Variants in E2F1 observed in about 807,000 individuals in gnomAD.
The protein encoded by E2F1 is E2F transcription factor 1, also known as transcription factor E2F1.
A neutral mutation model predicts 36.9 loss-of-function variants in E2F1; 7 were observed. That is an observed-to-expected ratio of 0.19 (90% CI 0.11 to 0.36). The LOEUF (loss-of-function observed/expected upper bound fraction) is 0.36. Ranked by LOEUF, E2F1 falls within the 10% of genes least tolerant of loss-of-function variation. E2F1 has a pLI of 1.00. For synonymous variants in E2F1, 261 were observed against 263.1 expected (o/e 0.99, Z 0.08); for missense variants, 406 against 573.6 (o/e 0.71, Z 2.99).
Position 33,680,322 on chromosome 20 carries a change from G to C in E2F1, c.352+4C>G. ...GGTCTGCCCAGCCCAAGCTCCATAG[G>C]TACCTTTTCCTGGATGGCGGCCTCT... On this transcript the variant is annotated splice_donor_region_variant and intron_variant, in intron 2 of 6. Transcript: ENST00000343380. 1 of 1,614,076 alleles carries C rather than the reference G, an allele frequency of 6.2e-7. No homozygotes were observed. The highest frequency in any genetic ancestry group is 8.5e-7 in the Non-Finnish European group (1 of 1,179,940).
chr20:33,677,237 GGGTCTTCCCAGGGCTGATCCCACCTAC>G lies in E2F1; in HGVS notation c.907_933del (p.Val303_Thr311del), dbSNP rs759073647. The stretch of plus-strand genomic sequence containing the variant: ...TCCTCAGAAGTGACCTCCTGGGATG[GGGTCTTCCCAGGGCTGATCCCACCTAC>G]GGTCTCCTCAGGGCACAGGAAAACA... On this transcript the variant is annotated inframe_deletion, in exon 6 of 7. Transcript: ENST00000343380. 1 of 1,614,102 alleles carries G rather than the reference GGGTCTTCCCAGGGCTGATCCCACCTAC, an allele frequency of 6.2e-7. No homozygotes were observed.
rs117423075 is a variant in E2F1, at chr20:33,676,585, C to T, written c.*147G>A. 4,293 of 1,252,138 alleles carry T rather than the reference C, an allele frequency of 3.4e-3. 9 individuals carry two copies. The highest frequency in any genetic ancestry group is 4.3e-3 in the Non-Finnish European group (4,034 of 934,288). The allele number at this position is 1,252,138 out of a possible 1,614,324, so 77.6% of individuals were successfully genotyped here. ...CTCAGCCTCCTAGCGGTAGCCAGAC[C>T]CCAGAGCTAGAAGCTTCTGGAGACA... On this transcript the variant is annotated 3_prime_UTR_variant, in exon 7 of 7. Transcript: ENST00000343380.
At chr20:33,680,075 G>T in intron 2 of E2F1, 101 bp from the exon 3 acceptor site, 1 of 1,094,568 alleles carries the variant, frequency 9.1e-7, no homozygotes, top group Non-Finnish European at 1.4e-6. Flanking sequence ...GATGATGGGG[G>T]CTGGGGGACA....
chr20:33,685,873 C>T (rs1402780952), intron 1 of E2F1, 131 bp downstream of exon 1: 1 of 903,302 alleles, frequency 1.1e-6, no homozygotes, highest in African/African-American at 1.8e-5. Flanking sequence ...CGGCTCTGCA[C>T]CGCCCAGCCT....
intron 4 of E2F1, 59 bp downstream of exon 4, chr20:33,678,142 G>T: frequency 6.4e-7 from 1 of 1,554,414 alleles, no homozygotes; most frequent in South Asian, 1.2e-5. Flanking sequence ...AGTCCCACTT[G>T]GGTGGAGCCC....
chr20:33,676,905 C>T lies in E2F1; in HGVS notation c.1141G>A (p.Asp381Asn), dbSNP rs1453160857. ...EDRLSPLVAA[D>N]SLLEHVREDF... ...TCCCGCACATGCTCCAGGAGCGAGT[C>T]GGCCGCCACCAGCGGGGACAGGCGG... The change falls in exon 7 of 7, where the codon GAC becomes AAC. Residue 381 changes from aspartate to asparagine, a missense_variant. By Grantham distance (23) the Asp-to-Asn change is conservative (BLOSUM62 1). Coordinates refer to ENST00000343380, the MANE Select transcript of E2F1 (RefSeq NM_005225.3). 9 of 1,568,752 alleles carry T rather than the reference C, an allele frequency of 5.7e-6. No homozygotes were observed. Among genetic ancestry groups the T allele is most frequent in the African/African-American group, 1.4e-5 (1 of 73,798 alleles).
Position 33,686,339 on chromosome 20 carries a change from G to T in E2F1, c.-75C>A. 1 of 986,138 alleles carries T rather than the reference G, an allele frequency of 1.0e-6. No individual in the cohort carries two copies. Among genetic ancestry groups the T allele is most frequent in the Non-Finnish European group, 1.2e-6 (1 of 829,256 alleles). 61.1% of individuals were successfully genotyped at this position (986,138 alleles called of 1,614,324 possible). On this transcript the variant is annotated 5_prime_UTR_variant, in exon 1 of 7. Transcript: ENST00000343380. ...GGCCCATGGCGGCAGGCCTCGGCGAGGGCTCGATCCCGCTCCGCCCCCGGC... is the reference window on the plus strand; with the variant it reads ...GGCCCATGGCGGCAGGCCTCGGCGATGGCTCGATCCCGCTCCGCCCCCGGC...
In E2F1 at chr20:33,678,347, G is replaced by C. The variant is rs1315185562; in HGVS notation, c.579C>G (p.Ser193Arg). The C allele has an allele frequency of 5.0e-6, 8 of 1,611,930 alleles. No individual in the cohort carries two copies. The highest frequency in any genetic ancestry group is 3.3e-5 in the South Asian group (3 of 90,996). The part of the protein sequence containing the change: ...KSKNHIQWLG[S>R]HTTVGVGGRL... ...GTCCGCCGACGCCCACTGTGGTGTG[G>C]CTGCCCCTGTGGGGAGGCACCAGGG... Residue 193 changes from serine (S) to arginine (R), a missense_variant, in exon 4 of 7, where the codon AGC becomes AGG. This residue lies in a region of E2F1 where 93 missense variants were observed against 143.3 expected (regional missense o/e 0.65). Coordinates refer to ENST00000343380, the MANE Select transcript of E2F1 (RefSeq NM_005225.3).
chr20:33,679,716 G>A lies in E2F1; in HGVS notation c.572+39C>T, dbSNP rs2018001270. ...ACTACCAGCTCCTCCAGGCTGGCAT[G>A]GGCAGGTGTGCCTGCCCTCCTGTGT... is the stretch of plus-strand genomic sequence containing the variant. On this transcript the variant is annotated intron_variant, in intron 3 of 6. Coordinates refer to ENST00000343380, the MANE Select transcript of E2F1 (RefSeq NM_005225.3). The surrounding 1 kb of genome is among the most constrained non-coding windows in gnomAD (Gnocchi z 4.6). 1 of 1,591,340 alleles carries A rather than the reference G, an allele frequency of 6.3e-7. No individual in the cohort carries two copies. The highest frequency in any genetic ancestry group is 2.2e-5 in the East Asian group (1 of 44,754).
chr20:33,683,120 G>C (rs1227194839), intron 1 of E2F1, among the ~76,000 whole-genome samples: 1 of 152,022 alleles, frequency 6.6e-6, no homozygotes, highest in Admixed American at 6.6e-5. Context: ...AAATGAATAG[G>C]GCTGGGATCC....
Position 33,677,544 on chromosome 20 carries a change from G to A in E2F1, c.726-4C>T. 6.2e-7 allele frequency: 1 copy of A among 1,612,986 alleles called. No individual in the cohort carries two copies. Among genetic ancestry groups the A allele is most frequent in the Non-Finnish European group, 8.5e-7 (1 of 1,179,202 alleles). The stretch of plus-strand genomic sequence containing the variant: ...CTGACACGTCACGTAGGCCAGGGTT[G>A]GCAGAGTCAAGGACCACATGACCTT... On this transcript the variant is annotated splice_region_variant and splice_polypyrimidine_tract_variant and intron_variant, in intron 4 of 6. Transcript: ENST00000343380.
rs779566653 is a variant in E2F1, at chr20:33,676,884, G to A, written c.1162C>T (p.Arg388Trp). ...GGGAGGAGGCCGGAGAAGTCCTCCCGCACATGCTCCAGGAGCGAGTCGGCC... is the reference window on the plus strand; with the variant it reads ...GGGAGGAGGCCGGAGAAGTCCTCCCACACATGCTCCAGGAGCGAGTCGGCC... ...VAADSLLEHV[R>W]EDFSGLLPEE... Residue 388 changes from arginine to tryptophan, a missense_variant, in exon 7 of 7, where the codon CGG becomes TGG. This residue lies in a region of E2F1 where 163 missense variants were observed against 181.5 expected (regional missense o/e 0.90). Transcript: ENST00000343380. 9 of 1,576,672 alleles carry A rather than the reference G, an allele frequency of 5.7e-6. No homozygotes were observed. Among genetic ancestry groups the A allele is most frequent in the Admixed American group, 3.6e-5 (2 of 55,362 alleles).
In E2F1 at chr20:33,676,750, G is replaced by A. The variant is rs752347181; in HGVS notation, c.1296C>T (p.Leu432=). The change falls in exon 7 of 7, where the codon CTC becomes CTT. Residue 432 remains leucine (L), a synonymous_variant. Coordinates refer to ENST00000343380, the MANE Select transcript of E2F1 (RefSeq NM_005225.3). ...RDLFDCDFGD[L]TPLDF ...AGCCCTGTCAGAAATCCAGGGGGGT[G>A]AGGTCCCCAAAGTCACAGTCGAAGA... The A allele has an allele frequency of 1.9e-6, 3 of 1,609,358 alleles. No individual in the cohort carries two copies. The highest frequency in any genetic ancestry group is 2.5e-6 in the Non-Finnish European group (3 of 1,177,916).
At chr20:33,684,830 C>A (rs2018051041) in intron 1 of E2F1, among the ~76,000 whole-genome samples, 1 of 152,232 alleles carries the variant, frequency 6.6e-6, no homozygotes, top group East Asian at 1.9e-4. Flanking sequence ...AGTTAGGCAG[C>A]TTCTACCTCC....
In E2F1 at chr20:33,676,762, G is replaced by T; in HGVS notation, c.1284C>A (p.Asp428Glu). The T allele has an allele frequency of 6.2e-7, 1 of 1,609,400 alleles. No individual in the cohort carries two copies. Among genetic ancestry groups the T allele is most frequent in the Non-Finnish European group, 8.5e-7 (1 of 1,177,948 alleles). The change falls in exon 7 of 7, where the codon GAC (aspartate) becomes GAA (glutamate). Residue 428 changes from aspartate to glutamate, a missense_variant. Asp to Glu is a conservative substitution (Grantham distance 45, BLOSUM62 2). Transcript: ENST00000343380. ...AATCCAGGGGGGTGAGGTCCCCAAA[G>T]TCACAGTCGAAGAGGTCTCTGATGC... ...GEGIRDLFDC[D>E]FGDLTPLDF
At chr20:33,678,768 A>C (rs1347043179) in intron 3 of E2F1, among the ~76,000 whole-genome samples, 1 of 152,100 alleles carries the variant, frequency 6.6e-6, no homozygotes, top group Non-Finnish European at 1.5e-5. Flanking sequence ...CAGCCTGGGC[A>C]ACACAGTGAG....
Position 33,686,140 on chromosome 20 carries a change from G to T in E2F1, c.125C>A (p.Ala42Asp). The T allele has an allele frequency of 9.4e-7, 1 of 1,059,434 alleles. No individual in the cohort carries two copies. The highest frequency in any genetic ancestry group is 1.1e-6 in the Non-Finnish European group (1 of 879,676). The allele number at this position is 1,059,434 out of a possible 1,614,324, so 65.6% of individuals were successfully genotyped here. A position where few individuals can be genotyped will look rare whatever the true frequency, so the allele number is the denominator to read the frequency against. ...GCCGGTGGGAGCCGGCGGGGCGCTG[G>T]CGTCCTGCGCGGCGGAGATGATGAC... ...QIVIISAAQD[A>D]SAPPAPTGPA... The change falls in exon 1 of 7, where the codon GCC becomes GAC. Residue 42 changes from alanine (A) to aspartate (D), a missense_variant. Around this residue, in one of 5 missense-constraint regions of E2F1, gnomAD observed 68 missense variants for 74.3 expected, o/e 0.92. Coordinates refer to ENST00000343380, the MANE Select transcript of E2F1 (RefSeq NM_005225.3).
At chr20:33,684,359 C>A (rs893808396) in intron 1 of E2F1, among the ~76,000 whole-genome samples, 1 of 152,202 alleles carries the variant, frequency 6.6e-6, no homozygotes, top group Non-Finnish European at 1.5e-5. Flanking sequence ...GAACAGGCCC[C>A]TGGAGTACAG....
chr20:33,678,400 T>G (rs1319666202), intron 3 of E2F1, 47 bp from the exon 4 acceptor site: 1 of 1,603,532 alleles, frequency 6.2e-7, no homozygotes, highest in South Asian at 1.1e-5. Flanking sequence ...GATTGGCCCC[T>G]CTGGCCAGGA....
Sources: allele counts gnomAD v4.1 joint callset (sites outside exome capture counted in the v4.1 genomes callset), GRCh38; gene constraint gnomAD v4.1.1; regional missense constraint gnomAD v4.1.1; non-coding constraint Gnocchi (gnomAD v3.1); transcripts MANE v1.5; gene names NCBI Gene and HGNC (gene_info 2026-07-23, HGNC 2026-07-21).